Variants in THSD7B observed in about 807,000 individuals in gnomAD.
The protein encoded by THSD7B is thrombospondin type-1 domain-containing protein 7B.
Under a neutral mutation model 213.6 loss-of-function variants are expected in THSD7B, and 138 were observed. The ratio of observed to expected loss-of-function variants is 0.65; its 90% CI spans 0.56 to 0.74. THSD7B has a LOEUF of 0.74. THSD7B is among the 30% of genes least tolerant of loss of function. The pLI is 0.00. For synonymous variants in THSD7B, 742 were observed against 687.0 expected (o/e 1.08, Z -1.25); for missense variants, 1,931 against 1,991.5 (o/e 0.97, Z 0.58).
chr2:137,175,679 T>C (rs1037230055), intron 7 of THSD7B, among the ~76,000 whole-genome samples: 73 of 152,214 alleles, frequency 4.8e-4, no homozygotes, highest in African/African-American at 1.7e-3. Flanking sequence ...TGGCATGTAC[T>C]TGTAAGCTCT....
At chr2:137,398,704 T>TCC (rs1686266481) in intron 12 of THSD7B, among the ~76,000 whole-genome samples, 1 of 152,184 alleles carries the variant, frequency 6.6e-6, no homozygotes. Context: ...AGTTTGAGCT[T>TCC]CAGGGCTGCT....
rs371770902 is a variant in THSD7B at position 137,238,849 on chromosome 2, G to T, written c.2151-3608G>T. Among the ~76,000 whole-genome samples the T allele has an allele frequency of 1.0e-3, 159 of 152,002 alleles. 1 individual carries two copies. Among genetic ancestry groups the T allele is most frequent in the African/African-American group, 3.6e-3 (149 of 41,456 alleles). Reference sequence around the variant, plus strand: ...ATTACAGGCGTGAGCCACCGCGCCCGGCCATGACACTCATCTTTCTTTCTC... The same window carrying T: ...ATTACAGGCGTGAGCCACCGCGCCCTGCCATGACACTCATCTTTCTTTCTC... On this transcript the variant is annotated intron_variant, in intron 9 of 27. Coordinates refer to ENST00000409968, the MANE Select transcript of THSD7B (RefSeq NM_001316349.2).
intron 8 of THSD7B, among the ~76,000 whole-genome samples, chr2:137,231,587 CTA>C (rs3083561): frequency 0.57 from 85,898 of 151,828 alleles, 26,171 homozygotes; most frequent in Non-Finnish European, 0.68. Context: ...CATAATTAGA[CTA>C]TGTTTAGTAA....
chr2:137,624,231 G>C (rs1473098042), intron 20 of THSD7B, among the ~76,000 whole-genome samples: 1 of 152,190 alleles, frequency 6.6e-6, no homozygotes, highest in Non-Finnish European at 1.5e-5. Context: ...ATGGGAAAAG[G>C]ATTCCCTATT....
At chr2:137,618,596 G>C (rs1015107526) in intron 19 of THSD7B, 89 bp downstream of exon 19, 7 of 1,178,442 alleles carry the variant, frequency 5.9e-6, no homozygotes, top group Non-Finnish European at 8.5e-6. Flanking sequence ...ATAGATAACA[G>C]ACTGATTTCT....
At chr2:137,487,856 C>T (rs1573655904) in intron 15 of THSD7B, among the ~76,000 whole-genome samples, 1 of 41,430 alleles carries the variant, frequency 2.4e-5, no homozygotes, top group South Asian at 7.1e-4. Context: ...CTCCGCCTCC[C>T]GGGTTCACGC....
chr2:136,898,575 C>CACCG, intron 2 of THSD7B, among the ~76,000 whole-genome samples: 1 of 108,546 alleles, frequency 9.2e-6, no homozygotes, highest in Non-Finnish European at 2.3e-5. Flanking sequence ...CCCCTTGTCC[C>CACCG]CCCGCCCCCC....
At chr2:137,049,315 C>T (rs1008260814) in intron 2 of THSD7B, among the ~76,000 whole-genome samples, 2 of 152,142 alleles carry the variant, frequency 1.3e-5, no homozygotes, top group Non-Finnish European at 2.9e-5. Context: ...CTTTGCAAGC[C>T]CCATTTGCTC....
At chr2:137,487,347 C>A (rs1228355158) in intron 15 of THSD7B, among the ~76,000 whole-genome samples, 2 of 110,718 alleles carry the variant, frequency 1.8e-5, no homozygotes, top group East Asian at 2.9e-4. Context: ...CGCAGTCCGG[C>A]CTGGGCGACA....
intron 14 of THSD7B, among the ~76,000 whole-genome samples, chr2:137,426,200 T>A (rs1393549684): frequency 2.0e-5 from 3 of 152,104 alleles, no homozygotes; most frequent in Non-Finnish European, 4.4e-5. Flanking sequence ...TGGAAAGATA[T>A]CCTGTTTGTT....
At chr2:137,072,682 C>G (rs753608150) in intron 3 of THSD7B, among the ~76,000 whole-genome samples, 4 of 152,002 alleles carry the variant, frequency 2.6e-5, no homozygotes, top group African/African-American at 9.7e-5. Flanking sequence ...GTCTTGTGCC[C>G]GTTTTCAAAG....
intron 5 of THSD7B, among the ~76,000 whole-genome samples, chr2:137,117,731 T>TG (rs906828886): frequency 4.5e-4 from 68 of 152,156 alleles, no homozygotes; most frequent in African/African-American, 1.5e-3. Flanking sequence ...TTTACAATCT[T>TG]GGGGGGGAAA....
chr2:137,559,828 T>C (rs921536883), intron 15 of THSD7B, among the ~76,000 whole-genome samples: 25 of 152,170 alleles, frequency 1.6e-4, no homozygotes, highest in Non-Finnish European at 3.2e-4. Flanking sequence ...GACAAAGGGC[T>C]AATATCCAGA....
intron 15 of THSD7B, among the ~76,000 whole-genome samples, chr2:137,555,722 G>T (rs1231660357): frequency 6.6e-6 from 1 of 152,178 alleles, no homozygotes; most frequent in East Asian, 1.9e-4. Context: ...AGAGAAGAAG[G>T]CTTCAGATGA....
rs532768852 is a variant in THSD7B, at chr2:137,463,891, G to C, written c.3138+12868G>C. Among the ~76,000 whole-genome samples, 5 of 152,164 alleles carry C rather than the reference G, an allele frequency of 3.3e-5. No homozygotes were observed. In the South Asian group the frequency reaches 1.0e-3, roughly 32 times the overall value. ...AAAAAGTTATCTGTAAGACACAAAG[G>C]CAGCTTCTGCACAGCCTCTATAAGC... On this transcript the variant is annotated intron_variant, in intron 15 of 27. Coordinates refer to ENST00000409968, the MANE Select transcript of THSD7B (RefSeq NM_001316349.2).
chr2:137,023,417 C>T (rs1224270680), intron 2 of THSD7B, among the ~76,000 whole-genome samples: 2 of 152,038 alleles, frequency 1.3e-5, no homozygotes, highest in Admixed American at 6.6e-5. Flanking sequence ...AGCGGATAAC[C>T]TGTATTAGGA....
chr2:137,231,251 G>A lies in THSD7B; in HGVS notation c.1915+16G>A. On this transcript the variant is annotated intron_variant, in intron 8 of 27. Coordinates refer to ENST00000409968, the MANE Select transcript of THSD7B (RefSeq NM_001316349.2). ...GCTGGGGAAGGTGAGTAACAGAAAA[G>A]GTTTTCACTTTGGATTCATTAGCCC... 2 of 1,586,554 alleles carry A rather than the reference G, an allele frequency of 1.3e-6. No homozygotes were observed. The highest frequency in any genetic ancestry group is 1.7e-6 in the Non-Finnish European group (2 of 1,165,026).
At chr2:136,767,456 A>AGTGT (rs6146926) in intron 1 of THSD7B, among the ~76,000 whole-genome samples, 4,174 of 146,672 alleles carry the variant, frequency 0.028, 224 homozygotes, top group African/African-American at 0.098. Flanking sequence ...ATCCCTGGGA[A>AGTGT]GTGTGTGTGT....
intron 12 of THSD7B, among the ~76,000 whole-genome samples, chr2:137,298,865 G>A (rs892348147): frequency 6.6e-6 from 1 of 152,190 alleles, no homozygotes; most frequent in Non-Finnish European, 1.5e-5. Flanking sequence ...TTTGCTGCAG[G>A]GGCGGGGCCC....
Sources: gnomAD v4.1 joint callset for allele counts (sites outside exome capture counted in the v4.1 genomes callset) on GRCh38, gnomAD v4.1.1 for gene constraint, MANE v1.5 for transcripts, NCBI Gene and HGNC (gene_info 2026-07-23, HGNC 2026-07-21) for gene names.